UGGT1: variants seen among roughly 807,000 people sequenced by gnomAD.
UGGT1 encodes the protein UDP-glucose glycoprotein glucosyltransferase 1.
UGGT1 carries 107 observed loss-of-function variants against 203.9 expected under a neutral mutation model. The observed-to-expected ratio is 0.52, with a 90% confidence interval of 0.45 to 0.62. UGGT1 has a LOEUF of 0.62. UGGT1 is among the 20% of genes least tolerant of loss of function. UGGT1 has a pLI of 0.00. For missense variants in UGGT1, 1,673 were observed against 1,867.2 expected (o/e 0.90, Z 1.92); for synonymous variants, 628 against 653.5 (o/e 0.96, Z 0.59).
intron 13 of UGGT1, among the ~76,000 whole-genome samples, chr2:128,130,531 A>G (rs1033645360): frequency 1.3e-5 from 2 of 152,240 alleles, no homozygotes; most frequent in East Asian, 1.9e-4. Context: ...AGATAATAAC[A>G]TCAACATGAC....
chr2:128,184,025 G>A (rs547818195), intron 38 of UGGT1, among the ~76,000 whole-genome samples: 1 of 152,158 alleles, frequency 6.6e-6, no homozygotes, highest in East Asian at 1.9e-4. Flanking sequence ...TGGCTGGGGA[G>A]AGAGATGGAA....
At position 128,164,255 on chromosome 2, in the gene UGGT1, G is replaced by A. The variant is rs1336957046; in HGVS notation, c.2826-475G>A. ...AATATGTTTTTAAGTGAAAAAGCAG[G>A]CTGCCAGTATAATTTGTTTATATGT... On this transcript the variant is annotated intron_variant, in intron 25 of 40. Transcript: ENST00000259253. 3.3e-5 allele frequency among the ~76,000 whole-genome samples: 5 copies of A among 152,058 alleles called. No homozygotes were observed. In the East Asian group the frequency reaches 9.6e-4, roughly 29 times the overall value.
chr2:128,132,605 T>C (rs1688936000), intron 13 of UGGT1, among the ~76,000 whole-genome samples: 1 of 152,226 alleles, frequency 6.6e-6, no homozygotes, highest in Non-Finnish European at 1.5e-5. Context: ...TTATGTCTTC[T>C]TCATTCTTGA....
intron 25 of UGGT1, among the ~76,000 whole-genome samples, chr2:128,161,924 A>G (rs1690545502): frequency 6.6e-6 from 1 of 152,166 alleles, no homozygotes; most frequent in African/African-American, 2.4e-5. Context: ...TGTTTGAGGA[A>G]CCACAATACC....
At chr2:128,182,928 A>G (rs1024210510) in intron 37 of UGGT1, among the ~76,000 whole-genome samples, 4 of 29,398 alleles carry the variant, frequency 1.4e-4, no homozygotes, top group African/African-American at 5.5e-4. Context: ...TTTTTTTTTT[A>G]CTTAATGTCA....
chr2:128,155,441 A>G (rs759194664), intron 19 of UGGT1, 48 bp from the exon 20 acceptor site: 6 of 1,366,444 alleles, frequency 4.4e-6, no homozygotes, highest in East Asian at 2.3e-5. Context: ...AATATTAAGA[A>G]TAGATTGAAC....
intron 2 of UGGT1, among the ~76,000 whole-genome samples, chr2:128,103,611 C>T (rs1246948889): frequency 1.3e-5 from 2 of 152,064 alleles, no homozygotes; most frequent in Non-Finnish European, 2.9e-5. Flanking sequence ...TCTTCCACTA[C>T]TCATAGTATT....
In UGGT1 at chr2:128,194,681, A is replaced by G. The variant is rs924818076; in HGVS notation, c.*4939A>G. 6.6e-5 allele frequency: 10 copies of G among 152,206 alleles called. No individual in the cohort carries two copies. Among genetic ancestry groups the G allele is most frequent in the South Asian group, 4.1e-4 (2 of 4,836 alleles). The allele number at this position is 152,206 out of a possible 1,614,324, so 9.4% of individuals were successfully genotyped here. On this transcript the variant is annotated 3_prime_UTR_variant, in exon 41 of 41. Coordinates refer to ENST00000259253, the MANE Select transcript of UGGT1 (RefSeq NM_020120.4). ...CTTGTCATGTGTGTAGTTTGGTAAG[A>G]TAACTTCTTTAAATTCATGTTTTCT...
chr2:128,152,682 G>C, intron 18 of UGGT1, 102 bp from the exon 19 acceptor site: 3 of 1,461,538 alleles, frequency 2.1e-6, no homozygotes, highest in Non-Finnish European at 2.7e-6. Context: ...TTAGCACAGA[G>C]GAAGCCATTT....
At position 128,190,033 on chromosome 2, in the gene UGGT1, A is replaced by C. The variant is rs1692179413; in HGVS notation, c.*291A>C. 4 of 325,122 alleles carry C rather than the reference A, an allele frequency of 1.2e-5. No individual in the cohort carries two copies. The South Asian group carries it at 2.7e-4, about 22-fold the overall frequency. The allele number at this position is 325,122 out of a possible 1,614,324, so 20.1% of individuals were successfully genotyped here. A position where few individuals can be genotyped will look rare whatever the true frequency, so the allele number is the denominator to read the frequency against. ...TGGAATGGCAGCAGCAACTGGAAGA[A>C]AATGAGTTTTTTGGTGCCCACACCC... On this transcript the variant is annotated 3_prime_UTR_variant, in exon 41 of 41. Transcript: ENST00000259253.
chr2:128,116,218 C>G (rs779355602), intron 7 of UGGT1, 47 bp from the exon 8 acceptor site: 1 of 1,313,892 alleles, frequency 7.6e-7, no homozygotes, highest in African/African-American at 1.5e-5. Context: ...GTTTTTGTTT[C>G]AAATCTGAGC....
chr2:128,176,080 A>C (rs1254892115), intron 31 of UGGT1, among the ~76,000 whole-genome samples: 1 of 152,214 alleles, frequency 6.6e-6, no homozygotes, highest in African/African-American at 2.4e-5. Flanking sequence ...CGGCAGAAAG[A>C]GCGAGCAGAT....
At chr2:128,095,448 C>T (rs1327791802) in intron 1 of UGGT1, among the ~76,000 whole-genome samples, 4 of 147,670 alleles carry the variant, frequency 2.7e-5, no homozygotes, top group Non-Finnish European at 6.0e-5. Flanking sequence ...CTTCCTCCTT[C>T]TTTCTTCTTT....
intron 15 of UGGT1, among the ~76,000 whole-genome samples, chr2:128,136,429 T>G (rs1243837235): frequency 1.3e-5 from 1 of 75,324 alleles, no homozygotes; most frequent in Non-Finnish European, 3.1e-5. Flanking sequence ...CTTCATAGTT[T>G]TGCATTTTCC....
chr2:128,182,127 C>T lies in UGGT1; in HGVS notation c.4084-3C>T, dbSNP rs766378098. ...TTAACAAATGACTTTTTATATTCTC[C>T]AGATTGTACGAACAGATCTGAAAGA... On this transcript the variant is annotated splice_region_variant and splice_polypyrimidine_tract_variant and intron_variant, in intron 36 of 40. Coordinates refer to ENST00000259253, the MANE Select transcript of UGGT1 (RefSeq NM_020120.4). 4 of 1,612,682 alleles carry T rather than the reference C, an allele frequency of 2.5e-6. No individual in the cohort carries two copies. The highest frequency in any genetic ancestry group is 3.4e-6 in the Non-Finnish European group (4 of 1,179,344).
At chr2:128,140,985 G>C (rs1416058245) in intron 16 of UGGT1, among the ~76,000 whole-genome samples, 1 of 151,876 alleles carries the variant, frequency 6.6e-6, no homozygotes, top group East Asian at 2.0e-4. Context: ...ACTGGGGCTT[G>C]GCTGCTGTTT....
chr2:128,123,059 T>A, intron 10 of UGGT1, 127 bp from the exon 11 acceptor site: 1 of 594,284 alleles, frequency 1.7e-6, no homozygotes, highest in Non-Finnish European at 2.8e-6. Context: ...ATTATAAAAA[T>A]TTAAGGTTTT....
chr2:128,138,770 A>G lies in UGGT1; in HGVS notation c.1637A>G (p.Asp546Gly), dbSNP rs1473297400. 6.2e-7 allele frequency: 1 copy of G among 1,614,156 alleles called. No homozygotes were observed. The highest frequency in any genetic ancestry group is 8.5e-7 in the Non-Finnish European group (1 of 1,180,018). Residue 546 changes from aspartate to glycine, a missense_variant, in exon 16 of 41, where the codon GAT becomes GGT. By Grantham distance (94) the Asp-to-Gly change is moderately conservative. Coordinates refer to ENST00000259253, the MANE Select transcript of UGGT1 (RefSeq NM_020120.4). Reference protein sequence around the residue: ...NDSEDVDGMQDAGVAVLRAYN... With the variant: ...NDSEDVDGMQGAGVAVLRAYN... ...TCTGAAGATGTTGATGGGATGCAAG[A>G]TGCTGGAGTGGCTGTTCTTAGAGCA...
intron 16 of UGGT1, chr2:128,139,798 C>A (rs934740067): frequency 1.3e-5 from 2 of 153,074 alleles, no homozygotes; most frequent in Admixed American, 6.5e-5. Flanking sequence ...AGCAGCTGCA[C>A]CTGCTCCACC....
Sources: gnomAD v4.1 joint callset for allele counts (sites outside exome capture counted in the v4.1 genomes callset) on GRCh38, gnomAD v4.1.1 for gene constraint, MANE v1.5 for transcripts, NCBI Gene and HGNC (gene_info 2026-07-23, HGNC 2026-07-21) for gene names.